Variants in CCDC192 observed in about 807,000 individuals in gnomAD.
The protein encoded by CCDC192 is coiled-coil domain-containing protein 192.
intron 3 of CCDC192, among the ~76,000 whole-genome samples, chr5:127,769,720 A>G (rs534287420): frequency 6.6e-6 from 1 of 152,192 alleles, no homozygotes; most frequent in South Asian, 2.1e-4. Context: ...GTAATATTTT[A>G]TTGTGAGGTT....
intron 1 of CCDC192, among the ~76,000 whole-genome samples, chr5:127,706,565 GACA>G (rs1178844663): frequency 6.9e-6 from 1 of 144,900 alleles, no homozygotes; most frequent in African/African-American, 2.5e-5. Flanking sequence ...TTTATTGATT[GACA>G]ACAATAGAAA....
chr5:127,831,799 A>C (rs1244552607), intron 5 of CCDC192, among the ~76,000 whole-genome samples: 1 of 152,146 alleles, frequency 6.6e-6, no homozygotes, highest in African/African-American at 2.4e-5. Context: ...TAAATATTAC[A>C]ATTCACATTA....
chr5:127,757,794 ACACACTCTCTCT>A (rs1228817150), intron 3 of CCDC192, among the ~76,000 whole-genome samples: 14 of 99,924 alleles, frequency 1.4e-4, no homozygotes, highest in African/African-American at 4.9e-4. Context: ...ACACACACAC[ACACACTCTCTCT>A]CTCTCTCTCT....
chr5:127,839,741 C>T (rs149708228), intron 5 of CCDC192, among the ~76,000 whole-genome samples: 5 of 151,610 alleles, frequency 3.3e-5, no homozygotes, highest in African/African-American at 7.3e-5. Context: ...GTATCCTTGC[C>T]GATTGAATAG....
intron 5 of CCDC192, among the ~76,000 whole-genome samples, chr5:127,807,233 G>T (rs867475172): frequency 3.9e-5 from 6 of 152,160 alleles, no homozygotes; most frequent in African/African-American, 1.4e-4. Context: ...CCCAGTTTAT[G>T]AGATTATAGT....
intron 5 of CCDC192, among the ~76,000 whole-genome samples, chr5:127,835,910 T>G (rs1173763506): frequency 6.6e-6 from 1 of 152,064 alleles, no homozygotes; most frequent in Non-Finnish European, 1.5e-5. Context: ...TCCTAGCCCC[T>G]CCCAAATTTC....
intron 5 of CCDC192, among the ~76,000 whole-genome samples, chr5:127,869,872 C>T (rs190923863): frequency 1.3e-5 from 2 of 152,174 alleles, no homozygotes; most frequent in East Asian, 3.9e-4. Flanking sequence ...TGAGTTGGGA[C>T]TCAGATGGGA....
At chr5:127,802,353 G>C (rs1757550361) in intron 5 of CCDC192, among the ~76,000 whole-genome samples, 1 of 152,124 alleles carries the variant, frequency 6.6e-6, no homozygotes, top group Admixed American at 6.5e-5. Flanking sequence ...CATTATCCCA[G>C]AATAAAGTCT....
intron 6 of CCDC192, among the ~76,000 whole-genome samples, chr5:127,898,095 G>T (rs767264234): frequency 3.4e-4 from 52 of 151,904 alleles, no homozygotes; most frequent in Non-Finnish European, 6.3e-4. Flanking sequence ...GCCTGAAAGA[G>T]ACCTTAATAT....
At chr5:127,872,421 C>CCAACCCTGGAGGCTTTGAGGGCTGAGAT (rs1458920296) in intron 5 of CCDC192, among the ~76,000 whole-genome samples, 10 of 152,210 alleles carry the variant, frequency 6.6e-5, no homozygotes, top group Non-Finnish European at 1.5e-4. Context: ...ACCAACTGTA[C>CCAACCCTGGAGGCTTTGAGGGCTGAGAT]CAACCCTGGA....
chr5:127,846,214 G>A lies in CCDC192; in HGVS notation c.412-29324G>A, dbSNP rs193264027. On this transcript the variant is annotated intron_variant, in intron 5 of 6. Transcript: ENST00000514853. ...TAAGGCAGAAGAATTCCTTGAACCC[G>A]GGAGGCGGAGGTTGCAGTGAGCCAA... Among the ~76,000 whole-genome samples, 683 of 151,636 alleles carry A rather than the reference G, an allele frequency of 4.5e-3. 3 individuals carry two copies. Among genetic ancestry groups the A allele is most frequent in the African/African-American group, 0.015 (635 of 41,348 alleles).
intron 5 of CCDC192, among the ~76,000 whole-genome samples, chr5:127,874,165 C>T (rs1274713792): frequency 6.6e-6 from 1 of 152,180 alleles, no homozygotes; most frequent in Non-Finnish European, 1.5e-5. Context: ...AAAACCAGGC[C>T]TCTGTGTTGT....
chr5:127,863,292 T>C (rs1328275430), intron 5 of CCDC192, among the ~76,000 whole-genome samples: 1 of 152,224 alleles, frequency 6.6e-6, no homozygotes, highest in Admixed American at 6.5e-5. Flanking sequence ...ATAAACAATA[T>C]GTATACATAC....
At chr5:127,903,532 C>T (rs913697438) in intron 6 of CCDC192, among the ~76,000 whole-genome samples, 3 of 152,142 alleles carry the variant, frequency 2.0e-5, no homozygotes, top group African/African-American at 7.2e-5. Context: ...GGTGGGCCAC[C>T]GCGCCCAGTC....
intron 2 of CCDC192, among the ~76,000 whole-genome samples, chr5:127,718,041 T>C (rs1751741845): frequency 6.6e-6 from 1 of 151,900 alleles, no homozygotes; most frequent in South Asian, 2.1e-4. Flanking sequence ...TAAGTGCTAT[T>C]TAACTTGAGA....
At chr5:127,750,056 A>G (rs1359910363) in intron 2 of CCDC192, among the ~76,000 whole-genome samples, 1 of 151,984 alleles carries the variant, frequency 6.6e-6, no homozygotes, top group Non-Finnish European at 1.5e-5. Context: ...GATCCTTTCA[A>G]AAAACCAGCT....
intron 5 of CCDC192, among the ~76,000 whole-genome samples, chr5:127,846,423 C>T (rs750928945): frequency 3.3e-5 from 5 of 152,190 alleles, no homozygotes; most frequent in East Asian, 1.9e-4. Flanking sequence ...ACACCCCTTA[C>T]GCCCACAAAA....
intron 2 of CCDC192, among the ~76,000 whole-genome samples, chr5:127,753,994 A>C (rs949896526): frequency 6.6e-6 from 1 of 152,228 alleles, no homozygotes; most frequent in African/African-American, 2.4e-5. Flanking sequence ...CAAAGTAGTC[A>C]AATTCCAATG....
chr5:127,817,091 G>C (rs987183486), intron 5 of CCDC192, among the ~76,000 whole-genome samples: 2 of 152,168 alleles, frequency 1.3e-5, no homozygotes, highest in African/African-American at 2.4e-5. Context: ...TGGATGCTGT[G>C]ATAGTCTTTC....
Sources: allele counts gnomAD v4.1 joint callset (sites outside exome capture counted in the v4.1 genomes callset), GRCh38; gene constraint gnomAD v4.1.1; transcripts MANE v1.5; gene names NCBI Gene and HGNC (gene_info 2026-07-23, HGNC 2026-07-21).